Variants in SGPP1 observed in about 807,000 individuals in gnomAD.
SGPP1 encodes the protein hSPP1.
SGPP1 carries 21 observed loss-of-function variants against 33.0 expected under a neutral mutation model. That is an observed-to-expected ratio of 0.64 (90% CI 0.45 to 0.92). SGPP1 has a LOEUF of 0.92. SGPP1 is among the 40% of genes least tolerant of loss of function. The pLI is 0.00. For missense variants in SGPP1, 543 were observed against 589.4 expected (o/e 0.92, Z 0.81); for synonymous variants, 239 against 241.2 (o/e 0.99, Z 0.08).
intron 1 of SGPP1, among the ~76,000 whole-genome samples, 192 bp from the exon 2 acceptor site, chr14:63,698,850 A>G (rs1885242680): frequency 6.6e-6 from 1 of 152,246 alleles, no homozygotes; most frequent in Admixed American, 6.5e-5. Context: ...CTTTTCCACA[A>G]ATGAACAAAT....
At position 63,721,199 on chromosome 14, in the gene SGPP1, A is replaced by T. The variant is rs540817097; in HGVS notation, c.684+6062T>A. On this transcript the variant is annotated intron_variant, in intron 1 of 2. Coordinates refer to ENST00000247225, the MANE Select transcript of SGPP1 (RefSeq NM_030791.4). ...CACCCAGCCTAATTTCTGTATTTTT[A>T]GTAGAGACAGGCATGGTGGTGGGTG... Among the ~76,000 whole-genome samples, 265 of 152,292 alleles carry T rather than the reference A, an allele frequency of 1.7e-3. 1 individual carries two copies. Among genetic ancestry groups the T allele is most frequent in the Non-Finnish European group, 3.1e-3 (210 of 68,038 alleles).
intron 1 of SGPP1, among the ~76,000 whole-genome samples, chr14:63,719,247 C>T (rs1008287321): frequency 3.7e-4 from 55 of 150,368 alleles, no homozygotes; most frequent in Non-Finnish European, 7.4e-4. Flanking sequence ...TCGGCTGATC[C>T]GCCCACCTCA....
intron 1 of SGPP1, among the ~76,000 whole-genome samples, chr14:63,705,910 C>T (rs897419504): frequency 2.0e-5 from 3 of 152,150 alleles, no homozygotes; most frequent in Non-Finnish European, 4.4e-5. Flanking sequence ...TACCATACGA[C>T]CCACACATTT....
intron 1 of SGPP1, among the ~76,000 whole-genome samples, chr14:63,723,593 C>T (rs1032925621): frequency 6.6e-6 from 1 of 151,944 alleles, no homozygotes; most frequent in African/African-American, 2.4e-5. Flanking sequence ...GTGGTGTGCG[C>T]CTGTAGTCCC....
At chr14:63,709,364 GTC>G (rs1280530362) in intron 1 of SGPP1, among the ~76,000 whole-genome samples, 1 of 146,764 alleles carries the variant, frequency 6.8e-6, no homozygotes, top group Non-Finnish European at 1.5e-5. Context: ...ACAAGAGGGA[GTC>G]TCTGTCTCAA....
At chr14:63,693,663 G>C (rs781102140) in intron 2 of SGPP1, among the ~76,000 whole-genome samples, 5 of 151,994 alleles carry the variant, frequency 3.3e-5, no homozygotes, top group African/African-American at 1.2e-4. Flanking sequence ...GCCCAGGCTG[G>C]AGTACAGTGG....
chr14:63,727,223 A>G, intron 1 of SGPP1, 38 bp downstream of exon 1: 1 of 1,536,590 alleles, frequency 6.5e-7, no homozygotes, highest in Non-Finnish European at 8.7e-7. Flanking sequence ...GAGTTCTTTG[A>G]ACTCCCCCAG....
chr14:63,699,277 T>G (rs1341579753), intron 1 of SGPP1, among the ~76,000 whole-genome samples: 3 of 152,138 alleles, frequency 2.0e-5, no homozygotes, highest in Admixed American at 6.6e-5. Flanking sequence ...AAACAGAAAG[T>G]GCAGACAATT....
chr14:63,722,351 T>C lies in SGPP1; in HGVS notation c.684+4910A>G, dbSNP rs113611593. On this transcript the variant is annotated intron_variant, in intron 1 of 2. Transcript: ENST00000247225. ...TAGCCTGACCAACATGGTGAAACCC[T>C]GTCTCTATTGAAAAAAAAAAAAAAA... 8.5e-3 allele frequency among the ~76,000 whole-genome samples: 1,224 copies of C among 143,974 alleles called. 13 individuals are homozygous for C. The highest frequency in any genetic ancestry group is 0.03 in the African/African-American group (1,141 of 38,220). The allele number at this position is 143,974 out of a possible 152,430, so 94.5% of individuals were successfully genotyped here.
rs764866524 is a variant in SGPP1, at chr14:63,686,571, G to A, written c.860C>T (p.Thr287Ile). 1 of 1,613,996 alleles carries A rather than the reference G, an allele frequency of 6.2e-7. No homozygotes were observed. Among genetic ancestry groups the A allele is most frequent in the Non-Finnish European group, 8.5e-7 (1 of 1,179,942 alleles). The change falls in exon 3 of 3, where the codon ACT (threonine) becomes ATT (isoleucine). Residue 287 changes from threonine to isoleucine, a missense_variant. Physicochemically the swap from Thr to Ile is moderately conservative, Grantham distance 89. Coordinates refer to ENST00000247225, the MANE Select transcript of SGPP1 (RefSeq NM_030791.4). Reference protein sequence around the residue: ...FVDLIDNFNQTHKYAPFIIIG... With the variant: ...FVDLIDNFNQIHKYAPFIIIG... The stretch of plus-strand genomic sequence containing the variant: ...GATGATGAATGGAGCATATTTGTGA[G>A]TTTGGTTGAAGTTGTCAATCAGGTC...
intron 1 of SGPP1, among the ~76,000 whole-genome samples, chr14:63,699,434 A>C (rs1376326480): frequency 3.3e-5 from 5 of 152,200 alleles, no homozygotes; most frequent in African/African-American, 9.6e-5. Flanking sequence ...GATGACTTCA[A>C]ATTTCTCAAT....
At chr14:63,690,185 G>A (rs144513753) in intron 2 of SGPP1, among the ~76,000 whole-genome samples, 9 of 152,214 alleles carry the variant, frequency 5.9e-5, no homozygotes, top group Middle Eastern at 3.4e-3. Flanking sequence ...GACTACAAGC[G>A]TGCATCACCA....
chr14:63,694,405 A>T (rs971791302), intron 2 of SGPP1, among the ~76,000 whole-genome samples: 1 of 152,114 alleles, frequency 6.6e-6, no homozygotes, highest in Non-Finnish European at 1.5e-5. Flanking sequence ...AAAATCCATT[A>T]TTTGTTGTCC....
intron 1 of SGPP1, among the ~76,000 whole-genome samples, chr14:63,721,996 T>C (rs747475349): frequency 8.5e-5 from 13 of 152,188 alleles, no homozygotes; most frequent in Non-Finnish European, 1.3e-4. Context: ...ACCTTAAAAA[T>C]CACACACAAA....
intron 1 of SGPP1, among the ~76,000 whole-genome samples, chr14:63,716,692 A>G (rs919334422): frequency 6.8e-6 from 1 of 147,140 alleles, no homozygotes; most frequent in South Asian, 2.1e-4. Flanking sequence ...TCTGTACCCA[A>G]TAATACTTTT....
At chr14:63,690,064 T>TTTTTG (rs762469538) in intron 2 of SGPP1, among the ~76,000 whole-genome samples, 23 of 152,250 alleles carry the variant, frequency 1.5e-4, no homozygotes, top group African/African-American at 4.1e-4. Context: ...GCTTCTCTGT[T>TTTTTG]TTTTGTTTTG....
rs539494085 is a variant in SGPP1, at chr14:63,717,306, T to C, written c.684+9955A>G. 1.5e-4 allele frequency among the ~76,000 whole-genome samples: 22 copies of C among 149,834 alleles called. 1 individual carries two copies. Among genetic ancestry groups the C allele is most frequent in the Admixed American group, 1.2e-3 (18 of 15,074 alleles). On this transcript the variant is annotated intron_variant, in intron 1 of 2. Coordinates refer to ENST00000247225, the MANE Select transcript of SGPP1 (RefSeq NM_030791.4). ...AATGAACAGTTTAAAACACATGAAA[T>C]TGGAATTTCTCTTTTTTTTTTTTTT...
At chr14:63,707,114 T>G (rs1008252381) in intron 1 of SGPP1, among the ~76,000 whole-genome samples, 1 of 151,794 alleles carries the variant, frequency 6.6e-6, no homozygotes, top group Non-Finnish European at 1.5e-5. Context: ...AAATATAATT[T>G]AAAACATTCT....
chr14:63,709,682 G>A (rs1885484129), intron 1 of SGPP1, among the ~76,000 whole-genome samples: 1 of 151,946 alleles, frequency 6.6e-6, no homozygotes, highest in South Asian at 2.1e-4. Context: ...TTATAGAGTA[G>A]AAAGTAAAAA....
Sources: allele counts gnomAD v4.1 joint callset (sites outside exome capture counted in the v4.1 genomes callset), GRCh38; gene constraint gnomAD v4.1.1; transcripts MANE v1.5; gene names NCBI Gene and HGNC (gene_info 2026-07-23, HGNC 2026-07-21).